The following DDX11 variants were observed in gnomAD, a reference collection of about 807,000 sequenced individuals.
The protein encoded by DDX11 is DEAD/H-box helicase 11.
In DDX11, 72 loss-of-function variants were observed where a neutral mutation model predicts 125.2. The observed-to-expected ratio is 0.58, with a 90% confidence interval of 0.48 to 0.70. DDX11 has a LOEUF of 0.70. Among genes scored for constraint, DDX11 ranks in the 30% least tolerant of loss-of-function variants. The pLI is 0.00. For missense variants in DDX11, 883 were observed against 1,165.0 expected (o/e 0.76, Z 3.52); for synonymous variants, 347 against 452.6 (o/e 0.77, Z 2.96).
chr12:31,095,586 G>A (rs1305719815), intron 14 of DDX11, among the ~76,000 whole-genome samples: 3 of 152,088 alleles, frequency 2.0e-5, no homozygotes, highest in African/African-American at 7.2e-5. Context: ...CACTGTCACT[G>A]CCGCCATCCC....
Position 31,089,161 on chromosome 12 carries a change from A to T in DDX11, c.792+10A>T. 6.2e-7 allele frequency: 1 copy of T among 1,610,492 alleles called. No individual in the cohort carries two copies. Among genetic ancestry groups the T allele is most frequent in the Non-Finnish European group, 8.5e-7 (1 of 1,176,680 alleles). ...CCTTGGCTCCCGGCAGGTAAACAGT[A>T]GCCAGTATTTCCACCAGGGGCCATC... On this transcript the variant is annotated intron_variant, in intron 7 of 26. Coordinates refer to ENST00000542838, the MANE Select transcript of DDX11 (RefSeq NM_030653.4).
intron 6 of DDX11, 48 bp downstream of exon 6, chr12:31,088,031 G>A (rs778753822): frequency 1.2e-6 from 2 of 1,605,192 alleles, no homozygotes; most frequent in Admixed American, 1.7e-5. Flanking sequence ...TATAGGCTGG[G>A]CTGTGCACCC....
In DDX11 at chr12:31,080,474, T is replaced by C. The variant is rs530615174; in HGVS notation, c.144+1937T>C. 3.3e-5 allele frequency among the ~76,000 whole-genome samples: 5 copies of C among 152,304 alleles called. No homozygotes were observed. In the South Asian group the frequency reaches 6.2e-4, roughly 19 times the overall value. On this transcript the variant is annotated intron_variant, in intron 2 of 26. Coordinates refer to ENST00000542838, the MANE Select transcript of DDX11 (RefSeq NM_030653.4). ...AGGGATTGCAACCTGAGAATCTAATTGTTCTTAAAAAGAATTTCAACCCGT... is the reference window on the plus strand; with the variant it reads ...AGGGATTGCAACCTGAGAATCTAATCGTTCTTAAAAAGAATTTCAACCCGT...
chr12:31,094,100 C>G (rs1307348493), intron 12 of DDX11, among the ~76,000 whole-genome samples: 2 of 152,316 alleles, frequency 1.3e-5, no homozygotes, highest in East Asian at 1.9e-4. Flanking sequence ...TCCCACGCCT[C>G]TTTGCATGAC....
chr12:31,093,505 A>G (rs1944624398), intron 12 of DDX11, 181 bp downstream of exon 12: 3 of 759,180 alleles, frequency 4.0e-6, no homozygotes, highest in South Asian at 2.9e-5. Flanking sequence ...ACCTGAGGTT[A>G]GGAGTTTTGA....
chr12:31,093,203 C>T lies in DDX11; in HGVS notation c.1290-42C>T, dbSNP rs764730806. 3 of 1,584,600 alleles carry T rather than the reference C, an allele frequency of 1.9e-6. No homozygotes were observed. In the African/African-American group the frequency reaches 4.0e-5, roughly 21 times the overall value. On this transcript the variant is annotated intron_variant, in intron 11 of 26. Transcript: ENST00000542838. ...CACTGGGGTGGGCGGGGCGAGTCGC[C>T]ATCAGGGCACCACCACTTAATGTCC...
At chr12:31,089,750 C>T in intron 8 of DDX11, 136 bp from the exon 9 acceptor site, 1 of 1,473,668 alleles carries the variant, frequency 6.8e-7, no homozygotes, top group Admixed American at 2.0e-5. Flanking sequence ...GATGAGACCA[C>T]AGTAGGCAGT....
Position 31,101,618 on chromosome 12 carries a change from A to C in DDX11, c.2053-215A>C. On this transcript the variant is annotated intron_variant, in intron 20 of 26. Coordinates refer to ENST00000542838, the MANE Select transcript of DDX11 (RefSeq NM_030653.4). ...ACGCTAGTGCTGTGACATGTGTCAG[A>C]AAGGCGCAGTCAGCAGCAGCGGCTG... The C allele has an allele frequency of 1.8e-5, 11 of 609,730 alleles. No individual in the cohort carries two copies. In the South Asian group the frequency reaches 1.9e-4, roughly 10 times the overall value. 37.8% of individuals were successfully genotyped at this position (609,730 alleles called of 1,614,324 possible).
chr12:31,076,108 T>C (rs1444896556), intron 1 of DDX11, among the ~76,000 whole-genome samples: 3 of 152,158 alleles, frequency 2.0e-5, no homozygotes, highest in Non-Finnish European at 4.4e-5. Context: ...GTGCTCTGTC[T>C]TGAGAGGAGC....
Position 31,087,998 on chromosome 12 carries a change from C to G in DDX11, c.684+15C>G. 1 of 1,607,192 alleles carries G rather than the reference C, an allele frequency of 6.2e-7. No homozygotes were observed. Among genetic ancestry groups the G allele is most frequent in the Non-Finnish European group, 8.5e-7 (1 of 1,177,322 alleles). ...ACATAACTAAGGTAACACAAGTGTC[C>G]TCAGCTGGTGCTGTGCTGGGGGTAT... On this transcript the variant is annotated intron_variant, in intron 6 of 26. Transcript: ENST00000542838.
At chr12:31,081,570 C>T (rs931596342) in intron 2 of DDX11, among the ~76,000 whole-genome samples, 12 of 151,422 alleles carry the variant, frequency 7.9e-5, no homozygotes, top group African/African-American at 2.4e-4. Flanking sequence ...ATGATGCCCT[C>T]GAATTGTATG....
rs1420515875 is a variant in DDX11 at position 31,091,742 on chromosome 12, G to T, written c.1113G>T (p.Met371Ile). 1.9e-6 allele frequency: 3 copies of T among 1,613,472 alleles called. No homozygotes were observed. In the African/African-American group the frequency reaches 4.0e-5, roughly 22 times the overall value. Residue 371 changes from methionine to isoleucine, a missense_variant, in exon 10 of 27, where the codon ATG becomes ATT. By Grantham distance (10) the Met-to-Ile change is conservative. Coordinates refer to ENST00000542838, the MANE Select transcript of DDX11 (RefSeq NM_030653.4). ...AGCTGGTGGTGCTGCCCTATCAGAT[G>T]CTGCTGCATGCGGCCACTCGGCAGG... ...AAQLVVLPYQ[M>I]LLHAATRQAA... is the part of the protein sequence containing the mutation.
chr12:31,083,309 G>C (rs1942352595), intron 2 of DDX11, among the ~76,000 whole-genome samples: 1 of 101,684 alleles, frequency 9.8e-6, no homozygotes, highest in Admixed American at 1.1e-4. Context: ...TGATTAGTTT[G>C]CTTAAAAAAA....
intron 17 of DDX11, 144 bp downstream of exon 17, chr12:31,097,134 G>A: frequency 1.7e-6 from 2 of 1,159,698 alleles, no homozygotes; most frequent in Non-Finnish European, 2.5e-6. Context: ...CTGGCCTGCT[G>A]TGACCTGGGC....
chr12:31,096,309 C>G (rs1029728650), intron 14 of DDX11, 32 bp from the exon 15 acceptor site: 1 of 1,420,740 alleles, frequency 7.0e-7, no homozygotes, highest in African/African-American at 1.5e-5. Context: ...TCAGTTTGCA[C>G]TCATGCCTAC....
At position 31,084,488 on chromosome 12, in the gene DDX11, A is replaced by G. The variant is rs147183997; in HGVS notation, c.394-95A>G. ...TGGCCGGGGAAGGAGAGATGCCCCCAGTGAGGAGGCGCCGGGCTGAGTGGC... is the reference window on the plus strand; with the variant it reads ...TGGCCGGGGAAGGAGAGATGCCCCCGGTGAGGAGGCGCCGGGCTGAGTGGC... On this transcript the variant is annotated intron_variant, in intron 3 of 26. Coordinates refer to ENST00000542838, the MANE Select transcript of DDX11 (RefSeq NM_030653.4). 3.4e-3 allele frequency: 3,681 copies of G among 1,095,908 alleles called. 89 individuals carry two copies. The African/African-American group carries it at 0.051, about 15-fold the overall frequency. 67.9% of individuals were successfully genotyped at this position (1,095,908 alleles called of 1,614,324 possible).
intron 23 of DDX11, 32 bp from the exon 24 acceptor site, chr12:31,102,904 C>T (rs1189551759): frequency 6.2e-7 from 1 of 1,610,228 alleles, no homozygotes; most frequent in East Asian, 2.2e-5. Context: ...GTCCTGACGT[C>T]CACCTGCTGG....
chr12:31,095,364 G>A (rs542261568), intron 14 of DDX11, among the ~76,000 whole-genome samples: 2 of 152,304 alleles, frequency 1.3e-5, no homozygotes, highest in South Asian at 4.1e-4. Flanking sequence ...TCTGAGCTAG[G>A]ATATCCTTTT....
intron 1 of DDX11, among the ~76,000 whole-genome samples, chr12:31,075,006 CTG>C (rs1792779579): frequency 6.6e-6 from 1 of 152,138 alleles, no homozygotes; most frequent in Non-Finnish European, 1.5e-5. Flanking sequence ...TAATTGGGGA[CTG>C]AAGAAAATGA....
Sources: allele counts gnomAD v4.1 joint callset (sites outside exome capture counted in the v4.1 genomes callset), GRCh38; gene constraint gnomAD v4.1.1; transcripts MANE v1.5; gene names NCBI Gene and HGNC (gene_info 2026-07-23, HGNC 2026-07-21).